Variants in XRCC5 observed in about 807,000 individuals in gnomAD.
The protein encoded by XRCC5 is DNA repair protein Ku80.
Under a neutral mutation model 95.7 loss-of-function variants are expected in XRCC5, and 12 were observed. That is an observed-to-expected ratio of 0.13 (90% CI 0.08 to 0.20). XRCC5 has a LOEUF of 0.20. Among genes scored for constraint, XRCC5 ranks in the 10% least tolerant of loss-of-function variants. The pLI is 1.00. For missense variants in XRCC5, 595 were observed against 873.9 expected, an observed-to-expected ratio of 0.68 and a Z score of 4.02; for synonymous variants, 281 against 290.3, an observed-to-expected ratio of 0.97 and a Z score of 0.33.
At chr2:216,187,218 C>T (rs2106044216) in intron 16 of XRCC5, among the ~76,000 whole-genome samples, 1 of 152,156 alleles carries the variant, frequency 6.6e-6, no homozygotes, top group African/African-American at 2.4e-5. Context: ...TTTCTGAACC[C>T]TCTGGAGGAA....
Position 216,132,299 on chromosome 2 carries a change from A to G in XRCC5, c.1051-26A>G, listed in dbSNP as rs369801819. ...TATACATGTTACTTATTTTGGATCA[A>G]AAGCAATTCTTTTCCTCTCTTGTAG... On this transcript the variant is annotated intron_variant, in intron 9 of 20. Transcript: ENST00000392132. 9.9e-6 allele frequency: 16 copies of G among 1,611,016 alleles called. No homozygotes were observed. In the Admixed American group the frequency reaches 1.5e-4, roughly 15 times the overall value.
At chr2:216,161,924 G>A (rs2106027685) in intron 15 of XRCC5, 55 bp from the exon 16 acceptor site, 2 of 1,470,776 alleles carry the variant, frequency 1.4e-6, no homozygotes, top group Non-Finnish European at 1.9e-6. Flanking sequence ...ATTGCCTGGG[G>A]TGCTGCTAAA....
intron 16 of XRCC5, among the ~76,000 whole-genome samples, chr2:216,166,461 T>C (rs1278380629): frequency 6.6e-6 from 1 of 152,118 alleles, no homozygotes; most frequent in Non-Finnish European, 1.5e-5. Flanking sequence ...ATAATAATCA[T>C]CTATCAGTTA....
rs983741891 is a variant in XRCC5 at position 216,205,279 on chromosome 2, G to A, written c.*77G>A. 6.1e-5 allele frequency: 97 copies of A among 1,586,052 alleles called. 1 individual carries two copies. In the South Asian group the frequency reaches 7.5e-4, roughly 12 times the overall value. On this transcript the variant is annotated 3_prime_UTR_variant, in exon 21 of 21. Transcript: ENST00000392132. ...AGTTCTAACAAAACAAGTTGGATGCGGCCATTCAAGGGGAGCCAAAATCTC... is the reference window on the plus strand; with the variant it reads ...AGTTCTAACAAAACAAGTTGGATGCAGCCATTCAAGGGGAGCCAAAATCTC...
chr2:216,191,726 A>G (rs1689616816), intron 17 of XRCC5, among the ~76,000 whole-genome samples: 1 of 152,080 alleles, frequency 6.6e-6, no homozygotes, highest in Admixed American at 6.5e-5. Flanking sequence ...ATATTTTTTG[A>G]ACTGTAAAAA....
At chr2:216,157,115 T>C (rs1688858028) in intron 14 of XRCC5, among the ~76,000 whole-genome samples, 1 of 152,188 alleles carries the variant, frequency 6.6e-6, no homozygotes, top group South Asian at 2.1e-4. Flanking sequence ...CCATTTTCTT[T>C]CCTCACGTTT....
chr2:216,142,826 T>A (rs763891687), intron 13 of XRCC5, among the ~76,000 whole-genome samples: 3 of 152,314 alleles, frequency 2.0e-5, no homozygotes, highest in Admixed American at 6.5e-5. Context: ...TGCTTGTAAT[T>A]CTTTTAAGTA....
chr2:216,185,302 T>G (rs1255497963), intron 16 of XRCC5, among the ~76,000 whole-genome samples: 1 of 152,182 alleles, frequency 6.6e-6, no homozygotes, highest in Non-Finnish European at 1.5e-5. Flanking sequence ...GGTCCCTGAC[T>G]GATACACACA....
At chr2:216,180,991 T>C (rs1220727501) in intron 16 of XRCC5, among the ~76,000 whole-genome samples, 1 of 151,964 alleles carries the variant, frequency 6.6e-6, no homozygotes, top group Non-Finnish European at 1.5e-5. Flanking sequence ...TTTTGTATTT[T>C]TAGTAGAGAC....
intron 2 of XRCC5, among the ~76,000 whole-genome samples, chr2:216,115,962 A>C (rs1053011833): frequency 6.6e-6 from 1 of 152,300 alleles, no homozygotes; most frequent in Non-Finnish European, 1.5e-5. Flanking sequence ...GTATTGTATA[A>C]AGCTGTCAAA....
intron 8 of XRCC5, among the ~76,000 whole-genome samples, chr2:216,128,746 T>C (rs528126263): frequency 6.6e-6 from 1 of 152,334 alleles, no homozygotes; most frequent in Admixed American, 6.5e-5. Context: ...AGGTTAGTAC[T>C]TGAGGGTAAC....
At chr2:216,190,834 G>A (rs1322196990) in intron 17 of XRCC5, among the ~76,000 whole-genome samples, 1 of 152,106 alleles carries the variant, frequency 6.6e-6, no homozygotes, top group Non-Finnish European at 1.5e-5. Flanking sequence ...TGTTTTATTA[G>A]GAATTCTTAG....
At chr2:216,180,069 C>T (rs1193489589) in intron 16 of XRCC5, among the ~76,000 whole-genome samples, 1 of 152,132 alleles carries the variant, frequency 6.6e-6, no homozygotes, top group African/African-American at 2.4e-5. Flanking sequence ...GACGAATTGC[C>T]ATTTGCTGAG....
intron 16 of XRCC5, among the ~76,000 whole-genome samples, chr2:216,184,032 C>CTGTGTGTGTGTGTGTG (rs3221952): frequency 0.016 from 2,337 of 145,610 alleles, 25 homozygotes; most frequent in Middle Eastern, 0.021. Flanking sequence ...TAAGTCAGCA[C>CTGTGTGTGTGTGTGTG]TGTGTGTGTG....
chr2:216,160,680 TTA>T (rs1491414216), intron 15 of XRCC5, among the ~76,000 whole-genome samples: 84 of 152,008 alleles, frequency 5.5e-4, no homozygotes, highest in African/African-American at 1.9e-3. Context: ...AATTAATTAA[TTA>T]ATTAATTAAT....
intron 19 of XRCC5, among the ~76,000 whole-genome samples, chr2:216,201,946 T>TGAA (rs1689839984): frequency 6.6e-6 from 1 of 152,232 alleles, no homozygotes; most frequent in East Asian, 1.9e-4. Context: ...CACAGAAATG[T>TGAA]GAAGCAGATC....
In XRCC5 at chr2:216,122,271, T is replaced by G; in HGVS notation, c.683+18T>G. The G allele has an allele frequency of 6.3e-7, 1 of 1,582,512 alleles. No individual in the cohort carries two copies. The highest frequency in any genetic ancestry group is 1.3e-5 in the African/African-American group (1 of 74,148). On this transcript the variant is annotated intron_variant, in intron 6 of 20. Coordinates refer to ENST00000392132, the MANE Select transcript of XRCC5 (RefSeq NM_021141.4). ...TCATTCAGGTAAGAATTGAAAACAT[T>G]GATGGGAATTTTTAATTGTACCCAC... is the stretch of plus-strand genomic sequence containing the variant.
chr2:216,202,481 A>T (rs1689852188), intron 19 of XRCC5, among the ~76,000 whole-genome samples: 1 of 152,222 alleles, frequency 6.6e-6, no homozygotes, highest in Non-Finnish European at 1.5e-5. Flanking sequence ...TTATTCATTT[A>T]TCTGTATTTG....
At position 216,141,279 on chromosome 2, in the gene XRCC5, C is replaced by T. The variant is rs987860675; in HGVS notation, c.1436C>T (p.Thr479Ile). 9 of 1,614,062 alleles carry T rather than the reference C, an allele frequency of 5.6e-6. No homozygotes were observed. The highest frequency in any genetic ancestry group is 7.6e-6 in the Non-Finnish European group (9 of 1,179,982). Residue 479 changes from threonine to isoleucine, a missense_variant, in exon 13 of 21, where the codon ACC becomes ATC. Physicochemically the swap from Thr to Ile is moderately conservative, Grantham distance 89. This residue lies in a region of XRCC5 where 309 missense variants were observed against 382.9 expected (regional missense o/e 0.81). Coordinates refer to ENST00000392132, the MANE Select transcript of XRCC5 (RefSeq NM_021141.4). ...KTDTLEDLFP[T>I]TKIPNPRFQR... ...GACACCCTTGAAGACTTGTTTCCAACCACCAAAATCCCAAATCCTCGATTT... is the reference window on the plus strand; with the variant it reads ...GACACCCTTGAAGACTTGTTTCCAATCACCAAAATCCCAAATCCTCGATTT...
Sources: allele counts gnomAD v4.1 joint callset (sites outside exome capture counted in the v4.1 genomes callset), GRCh38; gene constraint gnomAD v4.1.1; regional missense constraint gnomAD v4.1.1; transcripts MANE v1.5; gene names NCBI Gene and HGNC (gene_info 2026-07-23, HGNC 2026-07-21).